Variants in AHNAK observed in about 807,000 individuals in gnomAD.
AHNAK encodes the protein neuroblast differentiation-associated protein AHNAK.
AHNAK carries 23 observed loss-of-function variants against 37.8 expected under a neutral mutation model. That is an observed-to-expected ratio of 0.61 (90% CI 0.44 to 0.86). AHNAK has a LOEUF of 0.86. Ranked by LOEUF, AHNAK falls within the 40% of genes least tolerant of loss-of-function variation. AHNAK has a pLI of 0.00. For missense variants in AHNAK, 7,411 were observed against 7,319.4 expected (o/e 1.01, Z -0.46); for synonymous variants, 2,481 against 2,636.3 (o/e 0.94, Z 1.80).
chr11:62,490,439 T>C (rs1159430821), intron 5 of AHNAK, among the ~76,000 whole-genome samples: 1 of 151,970 alleles, frequency 6.6e-6, no homozygotes, highest in Non-Finnish European at 1.5e-5. Context: ...GACCTCGTGA[T>C]CCTCCTGCTC....
At chr11:62,467,366 T>C (rs1011084987) in intron 5 of AHNAK, among the ~76,000 whole-genome samples, 3 of 152,176 alleles carry the variant, frequency 2.0e-5, no homozygotes, top group Non-Finnish European at 4.4e-5. Context: ...GTGTCTGTAG[T>C]CTCTACCTCG....
At chr11:62,539,480 C>T (rs751351121) in intron 1 of AHNAK, among the ~76,000 whole-genome samples, 1 of 140,178 alleles carries the variant, frequency 7.1e-6, no homozygotes, top group Non-Finnish European at 1.5e-5. Flanking sequence ...CTGGCTGCAA[C>T]AGCTCCAGAC....
intron 4 of AHNAK, among the ~76,000 whole-genome samples, chr11:62,505,837 C>A (rs1483275145): frequency 6.6e-6 from 1 of 151,444 alleles, no homozygotes; most frequent in South Asian, 2.1e-4. Flanking sequence ...CGTTTCCCCC[C>A]TTAGTTTTCT....
intron 5 of AHNAK, among the ~76,000 whole-genome samples, chr11:62,462,168 T>C (rs1938803825): frequency 6.6e-6 from 1 of 152,110 alleles, no homozygotes; most frequent in African/African-American, 2.4e-5. Context: ...GTCAGCGTCT[T>C]ACCTTCCCAA....
At position 62,522,791 on chromosome 11, in the gene AHNAK, G is replaced by A; in HGVS notation, c.11626C>T (p.Pro3876Ser). 2 of 1,613,786 alleles carry A rather than the reference G, an allele frequency of 1.2e-6. No individual in the cohort carries two copies. Among genetic ancestry groups the A allele is most frequent in the South Asian group, 1.1e-5 (1 of 91,056 alleles). Residue 3876 changes from proline to serine, a missense_variant, in exon 5 of 5, where the codon CCT becomes TCT. Pro to Ser is a moderately conservative substitution (Grantham distance 74). Coordinates refer to ENST00000378024, the MANE Select transcript of AHNAK (RefSeq NM_001620.3). ...CCTTTCAGGTTAAGATCAATGTCAG[G>A]CATGGAGATCTTGGGGGCTTTGATG... ...MNIKAPKISM[P>S]DIDLNLKGPK... is the part of the protein sequence containing the mutation.
At chr11:62,466,968 CTT>C (rs1938924749) in intron 5 of AHNAK, among the ~76,000 whole-genome samples, 1 of 152,188 alleles carries the variant, frequency 6.6e-6, no homozygotes, top group South Asian at 2.1e-4. Flanking sequence ...CTAAGTATCT[CTT>C]TTAAAAGACC....
Position 62,527,353 on chromosome 11 carries a change from G to A in AHNAK, c.7064C>T (p.Ala2355Val), listed in dbSNP as rs2134223963. Reference protein sequence around the residue: ...ELDVKGPKLDADMPEVAVEGP... With the variant: ...ELDVKGPKLDVDMPEVAVEGP... ...TTCCACAGCTACTTCTGGCATGTCA[G>A]CATCTAATTTGGGACCTTTGACATC... Residue 2355 changes from alanine to valine, a missense_variant, in exon 5 of 5, where the codon GCT becomes GTT. Coordinates refer to ENST00000378024, the MANE Select transcript of AHNAK (RefSeq NM_001620.3). 1 of 1,613,978 alleles carries A rather than the reference G, an allele frequency of 6.2e-7. No homozygotes were observed. Among genetic ancestry groups the A allele is most frequent in the Non-Finnish European group, 8.5e-7 (1 of 1,179,938 alleles).
chr11:62,505,813 C>T (rs569459915), intron 4 of AHNAK, among the ~76,000 whole-genome samples: 2 of 151,300 alleles, frequency 1.3e-5, no homozygotes, highest in East Asian at 2.0e-4. Context: ...CTGCCCATCC[C>T]GGGCTCTTTC....
intron 1 of AHNAK, among the ~76,000 whole-genome samples, chr11:62,544,610 G>T (rs1227116120): frequency 6.6e-6 from 1 of 152,032 alleles, no homozygotes; most frequent in Non-Finnish European, 1.5e-5. Flanking sequence ...GAGCAAAGAG[G>T]TGCCCCTAAC....
chr11:62,471,564 T>C (rs1259861048), intron 5 of AHNAK, among the ~76,000 whole-genome samples: 1 of 152,224 alleles, frequency 6.6e-6, no homozygotes, highest in Admixed American at 6.5e-5. Context: ...AATTTTCCAT[T>C]TGTGGCATCA....
chr11:62,522,840 G>A lies in AHNAK; in HGVS notation c.11577C>T (p.Pro3859=). ...TGTTCATCTCAGGCATCTTGAATTT[G>A]GGACCTTTCAACTTTCCCTCTGGGC... The part of the protein sequence containing the change: ...IEGPEGKLKG[P]KFKMPEMNIK... Residue 3859 remains proline, a synonymous_variant, in exon 5 of 5, where the codon CCC becomes CCT. Coordinates refer to ENST00000378024, the MANE Select transcript of AHNAK (RefSeq NM_001620.3). The A allele has an allele frequency of 2.5e-6, 4 of 1,612,174 alleles. No homozygotes were observed. Among genetic ancestry groups the A allele is most frequent in the East Asian group, 4.5e-5 (2 of 44,750 alleles).
At chr11:62,471,787 G>A (rs1939041494) in intron 5 of AHNAK, among the ~76,000 whole-genome samples, 1 of 152,164 alleles carries the variant, frequency 6.6e-6, no homozygotes, top group Admixed American at 6.5e-5. Context: ...CCGGGATGCG[G>A]GTACCCACAG....
Position 62,533,164 on chromosome 11 carries a change from G to C in AHNAK, c.1253C>G (p.Pro418Arg), listed in dbSNP as rs754355808. ...ITGPSVEVQAPDIDVQGPGSK... is the reference protein window; with the variant it reads ...ITGPSVEVQARDIDVQGPGSK... Reference sequence around the variant, plus strand: ...CCCAGGCCCCTGAACATCAATGTCAGGGGCCTGAACTTCCACACTGGGGCC... The same window carrying C: ...CCCAGGCCCCTGAACATCAATGTCACGGGCCTGAACTTCCACACTGGGGCC... Residue 418 changes from proline to arginine, a missense_variant, in exon 5 of 5, where the codon CCT (proline) becomes CGT (arginine). Coordinates refer to ENST00000378024, the MANE Select transcript of AHNAK (RefSeq NM_001620.3). 3.3e-6 allele frequency: 5 copies of C among 1,537,006 alleles called. No individual in the cohort carries two copies. The Admixed American group carries it at 8.9e-5, about 27-fold the overall frequency.
chr11:62,481,405 C>T (rs1201832735), intron 5 of AHNAK, among the ~76,000 whole-genome samples: 1 of 151,800 alleles, frequency 6.6e-6, no homozygotes, highest in Non-Finnish European at 1.5e-5. Context: ...CTGTACCTGG[C>T]CTTGGGCTTC....
At chr11:62,471,274 G>A (rs1171634759) in intron 5 of AHNAK, among the ~76,000 whole-genome samples, 1 of 152,144 alleles carries the variant, frequency 6.6e-6, no homozygotes, top group East Asian at 1.9e-4. Context: ...CTACTAGGGG[G>A]GCTTTGGTTG....
In AHNAK at chr11:62,516,472, C is replaced by G; in HGVS notation, c.*272G>C. The G allele has an allele frequency of 7.6e-7, 1 of 1,317,586 alleles. No homozygotes were observed. The allele number at this position is 1,317,586 out of a possible 1,614,324, so 81.6% of individuals were successfully genotyped here. On this transcript the variant is annotated 3_prime_UTR_variant, in exon 5 of 5. Transcript: ENST00000378024. The stretch of plus-strand genomic sequence containing the variant: ...TTAGTAAACAGGAGCTCTCAGCAGT[C>G]AATGCAAAAAAATATATATATATGA...
At chr11:62,478,377 T>C (rs1401799943) in intron 5 of AHNAK, among the ~76,000 whole-genome samples, 1 of 152,200 alleles carries the variant, frequency 6.6e-6, no homozygotes. Flanking sequence ...GAATGCCTCT[T>C]CTTTGATTTT....
chr11:62,508,045 G>A (rs1939839669), intron 4 of AHNAK, among the ~76,000 whole-genome samples: 1 of 152,198 alleles, frequency 6.6e-6, no homozygotes, highest in Admixed American at 6.5e-5. Flanking sequence ...CTGGCCTCAA[G>A]TGATCCTCCT....
In AHNAK at chr11:62,523,644, C is replaced by G. The variant is rs1940358255; in HGVS notation, c.10773G>C (p.Val3591=). The G allele has an allele frequency of 6.2e-7, 1 of 1,613,998 alleles. No individual in the cohort carries two copies. The part of the protein sequence containing the change: ...GPKVDINAPD[V]DVHGPDWHLK... Reference sequence around the variant, plus strand: ...GATGCCAGTCTGGACCATGAACATCCACATCTGGGGCATTGATGTCCACTT... The same window carrying G: ...GATGCCAGTCTGGACCATGAACATCGACATCTGGGGCATTGATGTCCACTT... The change falls in exon 5 of 5, where the codon GTG becomes GTC. Residue 3591 remains valine (V), a synonymous_variant. Transcript: ENST00000378024.
Sources: gnomAD v4.1 joint callset for allele counts (sites outside exome capture counted in the v4.1 genomes callset) on GRCh38, gnomAD v4.1.1 for gene constraint, MANE v1.5 for transcripts, NCBI Gene and HGNC (gene_info 2026-07-23, HGNC 2026-07-21) for gene names.